PLAAT5: variants seen among roughly 807,000 people sequenced by gnomAD.
PLAAT5 encodes phospholipase A and acyltransferase 5, also known as Ca(2+)-independent N-acyltransferase.
A neutral mutation model predicts 27.8 loss-of-function variants in PLAAT5; 27 were observed. The observed-to-expected ratio is 0.97, with a 90% confidence interval of 0.72 to 1.34. PLAAT5 has a LOEUF of 1.34. Ranked by LOEUF, PLAAT5 falls within the 40% of genes most tolerant of loss-of-function variation. The pLI, the probability that PLAAT5 is intolerant of heterozygous loss-of-function variation, is 0.00. For missense variants in PLAAT5, 368 were observed against 343.8 expected, an observed-to-expected ratio of 1.07 and a Z score of -0.56; for synonymous variants, 125 against 136.1, an observed-to-expected ratio of 0.92 and a Z score of 0.57.
Position 63,466,214 on chromosome 11 carries a change from G to A in PLAAT5, c.613C>T (p.Arg205Cys), listed in dbSNP as rs559404747. 18 of 1,614,066 alleles carry A rather than the reference G, an allele frequency of 1.1e-5. No homozygotes were observed. Among genetic ancestry groups the A allele is most frequent in the Middle Eastern group, 1.7e-4 (1 of 6,060 alleles). The change falls in exon 5 of 6, where the codon CGT (arginine) becomes TGT (cysteine). Residue 205 changes from arginine to cysteine, a missense_variant. Coordinates refer to ENST00000540857, the MANE Select transcript of PLAAT5 (RefSeq NM_001146729.2). ...ATCTTGTTGACCATCTTTTTTGTACGCTGGATGATCTTGTCCACCGGCAAG... is the reference window on the plus strand; with the variant it reads ...ATCTTGTTGACCATCTTTTTTGTACACTGGATGATCTTGTCCACCGGCAAG... The part of the protein sequence containing the change: ...LPLPVDKIIQ[R>C]TKKMVNKIVQ...
rs569209702 is a variant in PLAAT5, at chr11:63,479,388, CTG to C, written c.345+9481_345+9482del. 9.2e-5 allele frequency among the ~76,000 whole-genome samples: 14 copies of C among 152,318 alleles called. 1 individual carries two copies. The South Asian group carries it at 2.7e-3, about 29-fold the overall frequency. ...CATAAATGGCAAAGGATCAGAGAAA[CTG>C]TTTTAAAATGTTCATAAGAAAGTCT... On this transcript the variant is annotated intron_variant, in intron 3 of 5. Transcript: ENST00000540857.
intron 3 of PLAAT5, chr11:63,470,087 C>T (rs2015981470): frequency 7.4e-6 from 1 of 134,744 alleles, no homozygotes; most frequent in Admixed American, 6.8e-5. Context: ...AGACTCCCAT[C>T]TCAAAAAAAA....
intron 3 of PLAAT5, among the ~76,000 whole-genome samples, chr11:63,480,312 A>T (rs2016254369): frequency 6.6e-6 from 1 of 152,232 alleles, no homozygotes; most frequent in Non-Finnish European, 1.5e-5. Flanking sequence ...AGCCAGAAGA[A>T]AGCTCAGAAA....
In PLAAT5 at chr11:63,461,976, T is replaced by C. The variant is rs2015730622; in HGVS notation, c.*1527A>G. On this transcript the variant is annotated 3_prime_UTR_variant, in exon 6 of 6. Coordinates refer to ENST00000540857, the MANE Select transcript of PLAAT5 (RefSeq NM_001146729.2). ...GAGAAGTGTCTTTCTGTCCCAAACA[T>C]AAGCAAGAGATGGATGAGTCCTCTG... 6.6e-6 allele frequency: 1 copy of C among 152,208 alleles called. No homozygotes were observed. Among genetic ancestry groups the C allele is most frequent in the Admixed American group, 6.5e-5 (1 of 15,270 alleles). The allele number at this position is 152,208 out of a possible 1,614,324, so 9.4% of individuals were successfully genotyped here. A position where few individuals can be genotyped will look rare whatever the true frequency, so the allele number is the denominator to read the frequency against.
Position 63,463,487 on chromosome 11 carries a change from G to A in PLAAT5, c.*16C>T. ...TGTGTCAGTAACTCTTCCTCTAGCTGGAGTTTTCATCACCTTCAGGCAGTT... is the reference window on the plus strand; with the variant it reads ...TGTGTCAGTAACTCTTCCTCTAGCTAGAGTTTTCATCACCTTCAGGCAGTT... On this transcript the variant is annotated 3_prime_UTR_variant, in exon 6 of 6. Transcript: ENST00000540857. 2 of 1,588,932 alleles carry A rather than the reference G, an allele frequency of 1.3e-6. 1 individual carries two copies. The highest frequency in any genetic ancestry group is 2.2e-5 in the South Asian group (2 of 90,574).
At chr11:63,490,051 C>T (rs1376597640) in intron 2 of PLAAT5, among the ~76,000 whole-genome samples, 192 bp downstream of exon 2, 1 of 152,206 alleles carries the variant, frequency 6.6e-6, no homozygotes, top group Non-Finnish European at 1.5e-5. Context: ...CAACGCATGC[C>T]TGTGGCCAGC....
intron 3 of PLAAT5, among the ~76,000 whole-genome samples, chr11:63,475,856 G>A (rs7932642): frequency 0.19 from 29,101 of 151,922 alleles, 6,586 homozygotes; most frequent in African/African-American, 0.55. Context: ...ATACTAACTT[G>A]ATTCCTGTAA....
intron 5 of PLAAT5, among the ~76,000 whole-genome samples, chr11:63,465,406 G>C (rs895149719): frequency 6.6e-6 from 1 of 151,078 alleles, no homozygotes; most frequent in African/African-American, 2.5e-5. Context: ...GTGTGTGTGT[G>C]TGTGTGTATC....
At chr11:63,472,270 T>A (rs552322825) in intron 3 of PLAAT5, among the ~76,000 whole-genome samples, 4 of 151,978 alleles carry the variant, frequency 2.6e-5, no homozygotes, top group Non-Finnish European at 5.9e-5. Flanking sequence ...AAGTAAATAA[T>A]CCTATATCCA....
chr11:63,482,362 CAA>C (rs2016307670), intron 3 of PLAAT5, among the ~76,000 whole-genome samples: 1 of 151,962 alleles, frequency 6.6e-6, no homozygotes, highest in Admixed American at 6.6e-5. Flanking sequence ...AGCTGTGAGG[CAA>C]AAGCGTCAGG....
rs760734514 is a variant in PLAAT5, at chr11:63,466,385, GACAA to G, written c.455-17_455-14del. ...TCAAACTCCTCACCTGGAGACCAAA[GACAA>G]ACAAAGGTTGGGAAATACAAGGAGT... On this transcript the variant is annotated splice_polypyrimidine_tract_variant and intron_variant, in intron 4 of 5. Coordinates refer to ENST00000540857, the MANE Select transcript of PLAAT5 (RefSeq NM_001146729.2). The G allele has an allele frequency of 1.2e-6, 2 of 1,613,020 alleles. No homozygotes were observed. The highest frequency in any genetic ancestry group is 1.7e-6 in the Non-Finnish European group (2 of 1,179,558).
intron 1 of PLAAT5, 49 bp from the exon 2 acceptor site, chr11:63,490,382 AG>A: frequency 6.2e-7 from 1 of 1,613,628 alleles, no homozygotes; most frequent in Non-Finnish European, 8.5e-7. Flanking sequence ...GGAGAGTTCG[AG>A]CAAGCACCTT....
intron 3 of PLAAT5, among the ~76,000 whole-genome samples, chr11:63,477,929 T>A (rs1482993307): frequency 6.6e-6 from 1 of 152,224 alleles, no homozygotes; most frequent in African/African-American, 2.4e-5. Context: ...CTCCAGTCTG[T>A]CCTGAATGTG....
intron 3 of PLAAT5, among the ~76,000 whole-genome samples, chr11:63,476,505 T>A (rs1298304401): frequency 1.1e-4 from 17 of 152,220 alleles, no homozygotes; most frequent in Admixed American, 1.1e-3. Flanking sequence ...AACAGGTTTT[T>A]TTCTTTCAGC....
At position 63,468,382 on chromosome 11, in the gene PLAAT5, A is replaced by T. The variant is rs1441772955; in HGVS notation, c.429T>A (p.Asp143Glu). 1 of 1,613,800 alleles carries T rather than the reference A, an allele frequency of 6.2e-7. No homozygotes were observed. The highest frequency in any genetic ancestry group is 1.1e-5 in the South Asian group (1 of 91,070). ...TTGGGGGAGCCAGATGGACCACGCA[A>T]TCATCTTCTACATAGATGGCCCAGT... ...YEHWAIYVED[D>E]CVVHLAPPSE... The change falls in exon 4 of 6, where the codon GAT becomes GAA. Residue 143 changes from aspartate (D) to glutamate (E), a missense_variant. By Grantham distance (45) the Asp-to-Glu change is conservative. Transcript: ENST00000540857.
chr11:63,473,306 A>G (rs989598080), intron 3 of PLAAT5, among the ~76,000 whole-genome samples: 2 of 152,184 alleles, frequency 1.3e-5, no homozygotes, highest in Non-Finnish European at 2.9e-5. Flanking sequence ...TTTTTTAGCA[A>G]TAAAGTATTT....
At chr11:63,485,106 GA>G (rs1333984639) in intron 3 of PLAAT5, among the ~76,000 whole-genome samples, 2 of 151,560 alleles carry the variant, frequency 1.3e-5, no homozygotes, top group South Asian at 4.2e-4. Context: ...TCTCTACAAG[GA>G]AAACAAAACA....
At chr11:63,464,992 C>T (rs1341019334) in intron 5 of PLAAT5, among the ~76,000 whole-genome samples, 5 of 152,064 alleles carry the variant, frequency 3.3e-5, no homozygotes, top group Non-Finnish European at 4.4e-5. Flanking sequence ...AAAAAGAAAG[C>T]TGAGGGCCAG....
In PLAAT5 at chr11:63,480,040, A is replaced by C. The variant is rs141376835; in HGVS notation, c.345+8831T>G. Among the ~76,000 whole-genome samples the C allele has an allele frequency of 4.1e-3, 631 of 152,194 alleles. 4 individuals are homozygous for C. Among genetic ancestry groups the C allele is most frequent in the African/African-American group, 0.014 (568 of 41,506 alleles). ...ATGCCTTTCACCCACCATCCACCAT[A>C]TCTAGTGGAGGGCAGGGCTCTCAGA... is the stretch of plus-strand genomic sequence containing the variant. On this transcript the variant is annotated intron_variant, in intron 3 of 5. Coordinates refer to ENST00000540857, the MANE Select transcript of PLAAT5 (RefSeq NM_001146729.2).
Sources: gnomAD v4.1 joint callset for allele counts (sites outside exome capture counted in the v4.1 genomes callset) on GRCh38, gnomAD v4.1.1 for gene constraint, MANE v1.5 for transcripts, NCBI Gene and HGNC (gene_info 2026-07-23, HGNC 2026-07-21) for gene names.